The following SLC8A1 variants were observed in gnomAD, a reference collection of about 807,000 sequenced individuals.
SLC8A1 encodes sodium/calcium exchanger 1.
A neutral mutation model predicts 68.3 loss-of-function variants in SLC8A1; 18 were observed. The observed-to-expected ratio is 0.26, with a 90% CI of 0.18 to 0.39. SLC8A1 has a LOEUF of 0.39. Ranked by LOEUF, SLC8A1 falls within the 10% of genes least tolerant of loss-of-function variation. SLC8A1 has a pLI of 1.00. For missense variants in SLC8A1, 985 were observed against 1,156.7 expected (o/e 0.85, Z 2.15); for synonymous variants, 475 against 415.5 (o/e 1.14, Z -1.74).
intron 2 of SLC8A1, among the ~76,000 whole-genome samples, chr2:40,228,960 A>G (rs945066788): frequency 1.3e-5 from 2 of 152,186 alleles, no homozygotes; most frequent in Admixed American, 6.6e-5. Flanking sequence ...ACCATAAGAA[A>G]GGAAAAGCAA....
At chr2:40,222,094 G>A (rs1478199382) in intron 2 of SLC8A1, among the ~76,000 whole-genome samples, 1 of 151,892 alleles carries the variant, frequency 6.6e-6, no homozygotes, top group Non-Finnish European at 1.5e-5. Flanking sequence ...AAAGCTGGAG[G>A]CATCACACTA....
chr2:40,220,955 G>A (rs1286252834), intron 2 of SLC8A1, among the ~76,000 whole-genome samples: 1 of 151,884 alleles, frequency 6.6e-6, no homozygotes, highest in Non-Finnish European at 1.5e-5. Context: ...GTACAAAGAG[G>A]AGCTGGTACC....
chr2:40,115,208 G>GTA (rs1463165916), exon 8 of SLC8A1: 3 of 1,225,714 alleles, frequency 2.4e-6, no homozygotes, highest in Non-Finnish European at 3.2e-6. Context: ...TAATTTTTAT[G>GTA]TATATATATG....
chr2:40,298,794 A>T (rs546554026), intron 2 of SLC8A1, among the ~76,000 whole-genome samples: 2,212 of 152,310 alleles, frequency 0.015, 60 homozygotes, highest in African/African-American at 0.051. Flanking sequence ...TACAGTAACT[A>T]ATGATGGTGA....
intron 2 of SLC8A1, among the ~76,000 whole-genome samples, chr2:40,243,443 A>G (rs767131364): frequency 2.0e-5 from 3 of 152,208 alleles, no homozygotes; most frequent in Non-Finnish European, 4.4e-5. Flanking sequence ...AGATCACCCC[A>G]CTGTACTCCA....
intron 1 of SLC8A1, among the ~76,000 whole-genome samples, chr2:40,510,532 A>C (rs1706653226): frequency 1.3e-5 from 2 of 152,316 alleles, no homozygotes; most frequent in African/African-American, 4.8e-5. Context: ...TTACATATTG[A>C]AAATTGCAAA....
At chr2:40,266,322 G>C (rs1243054680) in intron 2 of SLC8A1, among the ~76,000 whole-genome samples, 1 of 152,038 alleles carries the variant, frequency 6.6e-6, no homozygotes. Flanking sequence ...TTTCACCTAG[G>C]GTAAAGTTCA....
chr2:40,330,953 T>G (rs976527593), intron 2 of SLC8A1, among the ~76,000 whole-genome samples: 4 of 152,156 alleles, frequency 2.6e-5, no homozygotes, highest in African/African-American at 4.8e-5. Context: ...CAAAATTGAA[T>G]GAATAAAAAC....
intron 6 of SLC8A1, among the ~76,000 whole-genome samples, chr2:40,140,571 G>T (rs189850057): frequency 1.3e-5 from 2 of 152,354 alleles, no homozygotes; most frequent in African/African-American, 4.8e-5. Flanking sequence ...TGGGGAGGGG[G>T]TGGACAGCAA....
At position 40,166,771 on chromosome 2, in the gene SLC8A1, T is replaced by A. The variant is rs187188586; in HGVS notation, c.1931-1787A>T. Among the ~76,000 whole-genome samples the A allele has an allele frequency of 4.6e-5, 7 of 152,302 alleles. No homozygotes were observed. The East Asian group carries it at 1.4e-3, about 29-fold the overall frequency. On this transcript the variant is annotated intron_variant, in intron 4 of 7. Coordinates refer to ENST00000406785, the Ensembl canonical transcript of SLC8A1. ...GTGATCCTTGAACCCAGGATAATGT[T>A]ATTAGTAGTTTTCATAGCAGTAGTT...
At chr2:40,395,902 T>C (rs763827486) in intron 2 of SLC8A1, among the ~76,000 whole-genome samples, 5 of 152,144 alleles carry the variant, frequency 3.3e-5, no homozygotes, top group Admixed American at 2.0e-4. Flanking sequence ...ATAGTATGCA[T>C]GGAGAATGAA....
intron 6 of SLC8A1, among the ~76,000 whole-genome samples, chr2:40,141,958 C>T (rs2041651622): frequency 6.6e-6 from 1 of 152,146 alleles, no homozygotes. Flanking sequence ...GAAATCGAAC[C>T]TGCCAACACC....
chr2:40,341,696 C>T (rs1667747505), intron 2 of SLC8A1, among the ~76,000 whole-genome samples: 1 of 152,122 alleles, frequency 6.6e-6, no homozygotes, highest in Admixed American at 6.5e-5. Flanking sequence ...AGGCTGTTTT[C>T]AAGATTATAT....
intron 2 of SLC8A1, chr2:40,254,508 A>G (rs2515): frequency 8.7e-6 from 1 of 114,560 alleles, no homozygotes. Flanking sequence ...TGAAAATATC[A>G]AAAACATGAA....
intron 2 of SLC8A1, chr2:40,254,381 TAAGTTGTA>T (rs1002941052): frequency 6.8e-6 from 1 of 147,696 alleles, no homozygotes; most frequent in African/African-American, 2.5e-5. Flanking sequence ...AAAATGCTCT[TAAGTTGTA>T]AATCATGCTT....
chr2:40,374,357 ATATATT>A (rs1014980888), intron 2 of SLC8A1, among the ~76,000 whole-genome samples: 9 of 151,932 alleles, frequency 5.9e-5, no homozygotes, highest in Non-Finnish European at 1.2e-4. Flanking sequence ...GTATTTATAT[ATATATT>A]TATATTAAAA....
intron 2 of SLC8A1, among the ~76,000 whole-genome samples, chr2:40,380,487 T>G (rs1222473439): frequency 2.0e-5 from 3 of 152,278 alleles, no homozygotes; most frequent in African/African-American, 7.2e-5. Flanking sequence ...TTATCTCATT[T>G]TTTTTTAACA....
rs900876408 is a variant in SLC8A1, at chr2:40,174,693, A to C, written c.1930+132T>G. 4.0e-6 allele frequency: 6 copies of C among 1,506,122 alleles called. No individual in the cohort carries two copies. Among genetic ancestry groups the C allele is most frequent in the Non-Finnish European group, 5.5e-6 (6 of 1,095,230 alleles). The allele number at this position is 1,506,122 out of a possible 1,614,324, so 93.3% of individuals were successfully genotyped here. A position where few individuals can be genotyped will look rare whatever the true frequency, so the allele number is the denominator to read the frequency against. On this transcript the variant is annotated intron_variant, in intron 4 of 7. Coordinates refer to ENST00000406785, the Ensembl canonical transcript of SLC8A1. ...TGGGGAAAAATAAGGAACATTAAAAAAATAAGTCTTACCAAACAGGTATTT... is the reference window on the plus strand; with the variant it reads ...TGGGGAAAAATAAGGAACATTAAAACAATAAGTCTTACCAAACAGGTATTT...
At chr2:40,307,127 G>A (rs2072774085) in intron 2 of SLC8A1, among the ~76,000 whole-genome samples, 1 of 143,416 alleles carries the variant, frequency 7.0e-6, no homozygotes, top group African/African-American at 2.6e-5. Context: ...ACAGATGACT[G>A]GCTAAAGAAA....
Sources: allele counts gnomAD v4.1 joint callset (sites outside exome capture counted in the v4.1 genomes callset), GRCh38; gene constraint gnomAD v4.1.1; transcripts MANE v1.5; gene names NCBI Gene and HGNC (gene_info 2026-07-23, HGNC 2026-07-21).